SULF1: variants seen among roughly 807,000 people sequenced by gnomAD.
SULF1 encodes the protein extracellular sulfatase Sulf-1.
Under a neutral mutation model 110.5 loss-of-function variants are expected in SULF1, and 46 were observed. The observed-to-expected ratio is 0.42, with a 90% CI of 0.33 to 0.53. The LOEUF (loss-of-function observed/expected upper bound fraction) is 0.53. Ranked by LOEUF, SULF1 falls within the 20% of genes least tolerant of loss-of-function variation. SULF1 has a pLI of 0.12. For synonymous variants in SULF1, 371 were observed against 387.1 expected (o/e 0.96, Z 0.49); for missense variants, 941 against 1,094.2 (o/e 0.86, Z 1.98).
intron 3 of SULF1, among the ~76,000 whole-genome samples, chr8:69,524,981 G>A (rs1441193): frequency 0.17 from 25,802 of 152,064 alleles, 2,786 homozygotes; most frequent in South Asian, 0.31. Flanking sequence ...GCTTTATAAC[G>A]TATAATACTG....
chr8:69,603,621 C>G lies in SULF1; in HGVS notation c.1212C>G (p.Ala404=), dbSNP rs776225014. The stretch of plus-strand genomic sequence containing the variant: ...TCAGGTTTCGAACAAACAAGAAGGC[C>G]AAAATTTGGCGTGATACATTCCTAG... ...PGNRFRTNKK[A]KIWRDTFLVE... is the part of the protein sequence containing the mutation. Residue 404 remains alanine (A), a synonymous_variant, in exon 12 of 23, where the codon GCC becomes GCG. Coordinates refer to ENST00000402687, the MANE Select transcript of SULF1 (RefSeq NM_001128205.2). 6.2e-7 allele frequency: 1 copy of G among 1,613,782 alleles called. No homozygotes were observed. Among genetic ancestry groups the G allele is most frequent in the South Asian group, 1.1e-5 (1 of 91,068 alleles).
At chr8:69,475,143 C>T (rs1447861734) in intron 1 of SULF1, among the ~76,000 whole-genome samples, 1 of 152,018 alleles carries the variant, frequency 6.6e-6, no homozygotes, top group African/African-American at 2.4e-5. Flanking sequence ...GGAGGGGAAA[C>T]ATTGTGATCC....
At chr8:69,548,614 A>ATTTTTTTT (rs3059933) in intron 3 of SULF1, among the ~76,000 whole-genome samples, 1 of 120,912 alleles carries the variant, frequency 8.3e-6, no homozygotes, top group African/African-American at 3.3e-5. Flanking sequence ...TGCCTCGCTG[A>ATTTTTTTT]TTTTTTTTTT....
At chr8:69,656,042 AT>A (rs1812702897) in intron 22 of SULF1, among the ~76,000 whole-genome samples, 1 of 152,238 alleles carries the variant, frequency 6.6e-6, no homozygotes, top group Admixed American at 6.5e-5. Flanking sequence ...TGCGCACAGT[AT>A]CCCCTGCATT....
chr8:69,654,129 T>A (rs1812547381), intron 22 of SULF1, among the ~76,000 whole-genome samples: 1 of 152,212 alleles, frequency 6.6e-6, no homozygotes, highest in African/African-American at 2.4e-5. Flanking sequence ...GACAATGTCA[T>A]CTCCTGTTCT....
intron 3 of SULF1, among the ~76,000 whole-genome samples, chr8:69,515,658 C>T (rs1204563800): frequency 1.3e-5 from 2 of 152,214 alleles, no homozygotes; most frequent in Non-Finnish European, 2.9e-5. Flanking sequence ...ATTTTCCAAA[C>T]TTTTGTGCTG....
chr8:69,628,665 GA>G (rs1418556317), intron 18 of SULF1, among the ~76,000 whole-genome samples: 1 of 152,188 alleles, frequency 6.6e-6, no homozygotes, highest in Non-Finnish European at 1.5e-5. Flanking sequence ...ATTTGCATGT[GA>G]AGGAGATTTA....
Position 69,638,541 on chromosome 8 carries a change from CCT to C in SULF1, c.2325_2326del (p.Tyr776LeufsTer7). On this transcript the variant is annotated frameshift_variant, in exon 20 of 23. Transcript: ENST00000402687. LOFTEE classifies it high-confidence loss of function. ...GCTTGCACGAGTTCTAACAATAACA[CCT>C]ACTGGTGTTTGCGTACAGTTAATGA... 1 of 1,613,738 alleles carries C rather than the reference CCT, an allele frequency of 6.2e-7. No homozygotes were observed. The highest frequency in any genetic ancestry group is 8.5e-7 in the Non-Finnish European group (1 of 1,179,952).
chr8:69,628,160 C>A lies in SULF1; in HGVS notation c.2043-11C>A. On this transcript the variant is annotated splice_polypyrimidine_tract_variant and intron_variant, in intron 17 of 22. Coordinates refer to ENST00000402687, the MANE Select transcript of SULF1 (RefSeq NM_001128205.2). ...CTATGAAGTCTCACTTTTTAATCTT[C>A]TCTCCTGCAGCTATTACAATAAAGA... 1 of 1,610,222 alleles carries A rather than the reference C, an allele frequency of 6.2e-7. No individual in the cohort carries two copies. Among genetic ancestry groups the A allele is most frequent in the South Asian group, 1.1e-5 (1 of 90,888 alleles).
intron 22 of SULF1, among the ~76,000 whole-genome samples, chr8:69,643,538 T>C (rs1208265246): frequency 6.6e-6 from 1 of 152,218 alleles, no homozygotes; most frequent in Non-Finnish European, 1.5e-5. Context: ...TTTAAATGTA[T>C]CTTGTACAAG....
At chr8:69,541,144 A>G (rs199919801) in intron 3 of SULF1, among the ~76,000 whole-genome samples, 1 of 152,176 alleles carries the variant, frequency 6.6e-6, no homozygotes, top group Non-Finnish European at 1.5e-5. Flanking sequence ...CAGGGAAGAA[A>G]GGATAATGTC....
chr8:69,579,159 T>G (rs1442472857), intron 6 of SULF1, among the ~76,000 whole-genome samples: 1 of 58,018 alleles, frequency 1.7e-5, no homozygotes, highest in African/African-American at 9.7e-5. Context: ...AGACTCTGTC[T>G]CAAAAAAAAA....
chr8:69,510,695 C>A (rs1811498080), intron 3 of SULF1, among the ~76,000 whole-genome samples: 1 of 151,180 alleles, frequency 6.6e-6, no homozygotes, highest in Non-Finnish European at 1.5e-5. Flanking sequence ...TGGCTCACTG[C>A]AACCTCCGCC....
intron 3 of SULF1, among the ~76,000 whole-genome samples, chr8:69,546,892 A>G (rs1413978025): frequency 6.6e-6 from 1 of 152,216 alleles, no homozygotes; most frequent in Non-Finnish European, 1.5e-5. Context: ...TTGTGCAGAA[A>G]GAATAAGTAA....
chr8:69,515,958 T>A (rs1811894782), intron 3 of SULF1, among the ~76,000 whole-genome samples: 1 of 152,188 alleles, frequency 6.6e-6, no homozygotes, highest in Non-Finnish European at 1.5e-5. Flanking sequence ...GATTTAACTA[T>A]CCATATCACT....
At position 69,658,628 on chromosome 8, in the gene SULF1, G is replaced by T; in HGVS notation, c.*93G>T. 9.7e-7 allele frequency: 1 copy of T among 1,032,872 alleles called. No individual in the cohort carries two copies. Among genetic ancestry groups the T allele is most frequent in the South Asian group, 1.3e-5 (1 of 78,076 alleles). The allele number at this position is 1,032,872 out of a possible 1,614,324, so 64.0% of individuals were successfully genotyped here. ...ATCTATGAGTACAGACAAAACTACAGACTTAGTCTGGTGGACTGGACTAAT... is the reference window on the plus strand; with the variant it reads ...ATCTATGAGTACAGACAAAACTACATACTTAGTCTGGTGGACTGGACTAAT... On this transcript the variant is annotated 3_prime_UTR_variant, in exon 23 of 23. Coordinates refer to ENST00000402687, the MANE Select transcript of SULF1 (RefSeq NM_001128205.2).
At chr8:69,618,747 G>A (rs1436549125) in intron 13 of SULF1, among the ~76,000 whole-genome samples, 4 of 152,338 alleles carry the variant, frequency 2.6e-5, no homozygotes, top group South Asian at 4.1e-4. Flanking sequence ...AATCATAGAA[G>A]AAGTCCTGTA....
Position 69,477,662 on chromosome 8 carries a change from A to G in SULF1, c.-391+10712A>G, listed in dbSNP as rs1194537643. Among the ~76,000 whole-genome samples the G allele has an allele frequency of 4.6e-5, 7 of 152,186 alleles. No individual in the cohort carries two copies. In the East Asian group the frequency reaches 1.3e-3, roughly 29 times the overall value. On this transcript the variant is annotated intron_variant, in intron 1 of 22. Transcript: ENST00000260128. ...AAAGAGGCAGGGTGGTACAGTGGAA[A>G]GATATTAGAAATCTGGATTCTAGAA...
Position 69,603,179 on chromosome 8 carries a change from T to C in SULF1, c.1062-13T>C, listed in dbSNP as rs763483755. The C allele has an allele frequency of 6.2e-7, 1 of 1,614,092 alleles. No homozygotes were observed. The highest frequency in any genetic ancestry group is 8.5e-7 in the Non-Finnish European group (1 of 1,179,974). On this transcript the variant is annotated splice_polypyrimidine_tract_variant and intron_variant, in intron 10 of 22. Transcript: ENST00000402687. Reference sequence around the variant, plus strand: ...GCATTGGATCTCAGCCATCACCGTGTGCCCCTTTACAGAGTCCCACAGATC... The same window carrying C: ...GCATTGGATCTCAGCCATCACCGTGCGCCCCTTTACAGAGTCCCACAGATC...
Sources: allele counts gnomAD v4.1 joint callset (sites outside exome capture counted in the v4.1 genomes callset), GRCh38; gene constraint gnomAD v4.1.1; transcripts MANE v1.5; gene names NCBI Gene and HGNC (gene_info 2026-07-23, HGNC 2026-07-21).